UCK2: variants seen among roughly 807,000 people sequenced by gnomAD.
The protein encoded by UCK2 is uridine-cytidine kinase 2, also known as cytidine monophosphokinase 2.
Under a neutral mutation model 30.8 loss-of-function variants are expected in UCK2, and 6 were observed. The ratio of observed to expected loss-of-function variants is 0.19; its 90% confidence interval spans 0.11 to 0.38. UCK2 has a LOEUF of 0.38. Ranked by LOEUF, UCK2 falls within the 10% of genes least tolerant of loss-of-function variation. UCK2 has a pLI of 1.00. For missense variants in UCK2, 210 were observed against 339.8 expected, an observed-to-expected ratio of 0.62 and a Z score of 3.00; for synonymous variants, 125 against 133.6, an observed-to-expected ratio of 0.94 and a Z score of 0.45.
chr1:165,847,878 C>G (rs928694968), intron 1 of UCK2, among the ~76,000 whole-genome samples: 4 of 152,238 alleles, frequency 2.6e-5, no homozygotes, highest in Middle Eastern at 3.4e-3. Flanking sequence ...ACTACCTCTG[C>G]CTCCTGGGTT....
At chr1:165,907,428 G>T (rs190212944) in intron 6 of UCK2, among the ~76,000 whole-genome samples, 226 of 152,236 alleles carry the variant, frequency 1.5e-3, no homozygotes, top group African/African-American at 5.4e-3. Flanking sequence ...CTGATAAGAA[G>T]CCCATTCATT....
intron 1 of UCK2, among the ~76,000 whole-genome samples, chr1:165,832,212 T>C (rs1654067464): frequency 6.6e-6 from 1 of 152,228 alleles, no homozygotes; most frequent in African/African-American, 2.4e-5. Context: ...GGGAGCTTTG[T>C]TACCCATTTC....
At chr1:165,834,371 G>A (rs1557830967) in intron 1 of UCK2, among the ~76,000 whole-genome samples, 1 of 152,122 alleles carries the variant, frequency 6.6e-6, no homozygotes, top group Non-Finnish European at 1.5e-5. Context: ...GACTCAAGTG[G>A]GAGGATTGCC....
intron 1 of UCK2, among the ~76,000 whole-genome samples, chr1:165,877,422 T>C (rs1655366530): frequency 6.6e-6 from 1 of 152,218 alleles, no homozygotes; most frequent in Non-Finnish European, 1.5e-5. Context: ...TTGCTGTTTA[T>C]TACCTGCCCC....
intron 1 of UCK2, among the ~76,000 whole-genome samples, chr1:165,828,697 C>T (rs1441861003): frequency 1.3e-5 from 2 of 152,150 alleles, no homozygotes; most frequent in Non-Finnish European, 2.9e-5. Context: ...GGGTGTCTGA[C>T]CCTCTTAGGA....
At chr1:165,835,113 G>A (rs990144239) in intron 1 of UCK2, among the ~76,000 whole-genome samples, 1 of 151,960 alleles carries the variant, frequency 6.6e-6, no homozygotes, top group Non-Finnish European at 1.5e-5. Flanking sequence ...TGTGTTTCTG[G>A]GATTGCTTTT....
intron 1 of UCK2, among the ~76,000 whole-genome samples, chr1:165,870,265 A>AT (rs1329069778): frequency 2.0e-5 from 3 of 149,536 alleles, no homozygotes; most frequent in Non-Finnish European, 4.4e-5. Context: ...CTGGACGATA[A>AT]TTTTAATATG....
Position 165,845,371 on chromosome 1 carries a change from C to T in UCK2, c.99+17439C>T, listed in dbSNP as rs552241458. Reference sequence around the variant, plus strand: ...GAGGTTAGTTGCTGTAATTTGTTTTCCTCATAAAGCTTTTCCTTTTCAATT... The same window carrying T: ...GAGGTTAGTTGCTGTAATTTGTTTTTCTCATAAAGCTTTTCCTTTTCAATT... On this transcript the variant is annotated intron_variant, in intron 1 of 6. Transcript: ENST00000367879. Among the ~76,000 whole-genome samples the T allele has an allele frequency of 5.9e-5, 9 of 152,180 alleles. No individual in the cohort carries two copies. In the East Asian group the frequency reaches 1.5e-3, roughly 26 times the overall value.
intron 1 of UCK2, among the ~76,000 whole-genome samples, chr1:165,841,307 C>T (rs529165465): frequency 1.6e-4 from 25 of 151,918 alleles, no homozygotes; most frequent in African/African-American, 6.0e-4. Context: ...CCTAAGCCTC[C>T]CGAGTAGCTG....
intron 5 of UCK2, among the ~76,000 whole-genome samples, chr1:165,904,955 G>A (rs1292230853): frequency 6.6e-6 from 1 of 152,196 alleles, no homozygotes; most frequent in East Asian, 1.9e-4. Context: ...GGTAATAATA[G>A]AACCTATGAA....
rs977095144 is a variant in UCK2, at chr1:165,870,316, A to G, written c.100-19888A>G. ...TTGCTCACAGGAGTTTTTGAGCCTC[A>G]GTGTCTGGCTACAGGGTTCTCATTT... is the stretch of plus-strand genomic sequence containing the variant. On this transcript the variant is annotated intron_variant, in intron 1 of 6. Coordinates refer to ENST00000367879, the MANE Select transcript of UCK2 (RefSeq NM_012474.5). Among the ~76,000 whole-genome samples the G allele has an allele frequency of 1.0e-3, 155 of 150,552 alleles. No homozygotes were observed. The Middle Eastern group carries it at 0.014, about 13-fold the overall frequency.
chr1:165,832,001 T>G (rs1350705180), intron 1 of UCK2, among the ~76,000 whole-genome samples: 2 of 152,162 alleles, frequency 1.3e-5, no homozygotes, highest in African/African-American at 4.8e-5. Flanking sequence ...ACTCCTGACC[T>G]CAGGTGATCT....
At chr1:165,896,383 G>A in intron 4 of UCK2, 51 bp downstream of exon 4, 1 of 1,606,642 alleles carries the variant, frequency 6.2e-7, no homozygotes, top group Non-Finnish European at 8.5e-7. Flanking sequence ...CTTGAGGGCG[G>A]GGGAGCTGGG....
chr1:165,856,535 G>C (rs1033216353), intron 1 of UCK2, among the ~76,000 whole-genome samples: 12 of 140,258 alleles, frequency 8.6e-5, no homozygotes, highest in Non-Finnish European at 1.5e-4. Context: ...CACTACCCTT[G>C]GTTCTTAGTT....
Position 165,875,352 on chromosome 1 carries a change from C to T in UCK2, c.100-14852C>T, listed in dbSNP as rs562914443. Among the ~76,000 whole-genome samples, 121 of 152,258 alleles carry T rather than the reference C, an allele frequency of 7.9e-4. 2 individuals carry two copies. In the South Asian group the frequency reaches 0.025, roughly 31 times the overall value. Reference sequence around the variant, plus strand: ...GACTTTAAAGGACTATGTAGGGAAACTCTCTGAAACCACATTTTTCCTTTA... The same window carrying T: ...GACTTTAAAGGACTATGTAGGGAAATTCTCTGAAACCACATTTTTCCTTTA... On this transcript the variant is annotated intron_variant, in intron 1 of 6. Transcript: ENST00000367879.
chr1:165,891,405 C>G (rs757063042), intron 3 of UCK2, 83 bp downstream of exon 3: 1 of 1,289,518 alleles, frequency 7.8e-7, no homozygotes, highest in Non-Finnish European at 1.1e-6. Context: ...CCTTCCTTAC[C>G]TCTCGCACTT....
intron 1 of UCK2, among the ~76,000 whole-genome samples, chr1:165,888,027 T>C (rs1571293153): frequency 6.6e-6 from 1 of 152,318 alleles, no homozygotes; most frequent in African/African-American, 2.4e-5. Context: ...CCTTACTTAG[T>C]CGTGTGTCAC....
chr1:165,892,941 T>C lies in UCK2; in HGVS notation c.356+1619T>C, dbSNP rs533641664. On this transcript the variant is annotated intron_variant, in intron 3 of 6. Coordinates refer to ENST00000367879, the MANE Select transcript of UCK2 (RefSeq NM_012474.5). The stretch of plus-strand genomic sequence containing the variant: ...GTGTGGAGGAATGGGAGTGGGTGTG[T>C]GGGAAGGCAGGCAGACCTCAGGTCA... Among the ~76,000 whole-genome samples, 81 of 151,876 alleles carry C rather than the reference T, an allele frequency of 5.3e-4. 1 individual carries two copies. Among genetic ancestry groups the C allele is most frequent in the Admixed American group, 2.2e-3 (33 of 15,252 alleles).
chr1:165,829,800 CAAGAA>C (rs546901124), intron 1 of UCK2, among the ~76,000 whole-genome samples: 98 of 152,252 alleles, frequency 6.4e-4, no homozygotes, highest in Non-Finnish European at 1.2e-3. Context: ...TAGAAACTCT[CAAGAA>C]AGGAAGGGTC....
Sources: allele counts gnomAD v4.1 joint callset (sites outside exome capture counted in the v4.1 genomes callset), GRCh38; gene constraint gnomAD v4.1.1; transcripts MANE v1.5; gene names NCBI Gene and HGNC (gene_info 2026-07-23, HGNC 2026-07-21).